SV2C: variants seen among roughly 807,000 people sequenced by gnomAD.
SV2C encodes solute carrier family 22 member B3.
SV2C carries 49 observed loss-of-function variants against 79.7 expected under a neutral mutation model. The ratio of observed to expected loss-of-function variants is 0.61; its 90% confidence interval spans 0.49 to 0.78. The LOEUF is 0.78. SV2C is among the 30% of genes least tolerant of loss of function. The pLI, the probability that SV2C is intolerant of heterozygous loss-of-function variation, is 0.00. For missense variants in SV2C, 833 were observed against 912.9 expected, an observed-to-expected ratio of 0.91 and a Z score of 1.13; for synonymous variants, 334 against 333.2, an observed-to-expected ratio of 1.00 and a Z score of -0.03.
At chr5:75,975,375 T>C in the SV2C span, among the ~76,000 whole-genome samples, 1 of 152,210 alleles carries the variant, frequency 6.6e-6, no homozygotes, top group Admixed American at 6.5e-5. Flanking sequence ...ATTAATCACC[T>C]GAACTTGGAT....
chr5:75,955,476 T>A, the SV2C span, among the ~76,000 whole-genome samples: 1 of 150,690 alleles, frequency 6.6e-6, no homozygotes, highest in Admixed American at 6.6e-5. Flanking sequence ...ATTCAGGACA[T>A]AGGCATGGGC....
chr5:75,897,434 T>A, the SV2C span, among the ~76,000 whole-genome samples: 1 of 151,626 alleles, frequency 6.6e-6, no homozygotes, highest in South Asian at 2.1e-4. Flanking sequence ...TATATCTCTG[T>A]TTTAGTACCA....
At chr5:75,920,699 A>G in the SV2C span, 4 of 744,552 alleles carry the variant, frequency 5.4e-6, no homozygotes, top group Non-Finnish European at 1.0e-5. Flanking sequence ...TGTTGAGGGC[A>G]CTGCCGGTGT....
chr5:76,118,769 G>A (rs1580279704), intron 1 of SV2C, among the ~76,000 whole-genome samples: 1 of 152,142 alleles, frequency 6.6e-6, no homozygotes, highest in Admixed American at 6.5e-5. Flanking sequence ...ATCACTTGAG[G>A]ACAGGAGTTC....
At chr5:76,203,926 A>G (rs956956283) in intron 3 of SV2C, among the ~76,000 whole-genome samples, 1 of 152,246 alleles carries the variant, frequency 6.6e-6, no homozygotes, top group African/African-American at 2.4e-5. Context: ...ATGATGAGTT[A>G]GGTTACCAGT....
chr5:76,280,439 T>C lies in SV2C; in HGVS notation c.914-4723T>C, dbSNP rs550511404. The stretch of plus-strand genomic sequence containing the variant: ...CAGTTAGCTCTCTTCTGGGTTTTGA[T>C]TGTGGTCCAATTCCTTGGGAGGCTG... On this transcript the variant is annotated intron_variant, in intron 4 of 12. Coordinates refer to ENST00000502798, the MANE Select transcript of SV2C (RefSeq NM_014979.4). 3.9e-5 allele frequency among the ~76,000 whole-genome samples: 6 copies of C among 152,268 alleles called. No individual in the cohort carries two copies. In the East Asian group the frequency reaches 1.2e-3, roughly 29 times the overall value.
the SV2C span, among the ~76,000 whole-genome samples, chr5:75,960,365 A>G: frequency 6.6e-6 from 1 of 152,092 alleles, no homozygotes; most frequent in East Asian, 1.9e-4. Flanking sequence ...TCACTTATAC[A>G]GTGGTGGTCT....
chr5:76,202,297 T>A (rs1744474988), intron 3 of SV2C, among the ~76,000 whole-genome samples: 1 of 152,214 alleles, frequency 6.6e-6, no homozygotes, highest in Non-Finnish European at 1.5e-5. Context: ...AAATATTGAC[T>A]CTCATCAGTG....
At chr5:76,012,595 A>C in the SV2C span, among the ~76,000 whole-genome samples, 1 of 152,200 alleles carries the variant, frequency 6.6e-6, no homozygotes, top group South Asian at 2.1e-4. Context: ...GCTGTGCAGA[A>C]GCTCTTTAGT....
the SV2C span, among the ~76,000 whole-genome samples, chr5:76,002,686 T>C: frequency 6.6e-6 from 1 of 152,180 alleles, no homozygotes; most frequent in Admixed American, 6.5e-5. Flanking sequence ...TCTGACTCTC[T>C]GGCCAAGCAT....
the SV2C span, among the ~76,000 whole-genome samples, chr5:75,980,155 A>T: frequency 6.6e-6 from 1 of 152,166 alleles, no homozygotes; most frequent in Non-Finnish European, 1.5e-5. Flanking sequence ...CATCCTGCCA[A>T]AACTGAACCA....
chr5:76,294,295 T>TCG, intron 8 of SV2C, among the ~76,000 whole-genome samples: 1 of 130,920 alleles, frequency 7.6e-6, no homozygotes. Flanking sequence ...TTTCATTCAT[T>TCG]CTCTCTCTCT....
the SV2C span, among the ~76,000 whole-genome samples, chr5:75,950,601 A>G: frequency 1.3e-5 from 2 of 152,006 alleles, no homozygotes; most frequent in Non-Finnish European, 2.9e-5. Flanking sequence ...CTTTTTATAG[A>G]CATATTGCTT....
the SV2C span, among the ~76,000 whole-genome samples, chr5:76,010,345 C>G: frequency 6.6e-6 from 1 of 152,010 alleles, no homozygotes; most frequent in Admixed American, 6.6e-5. Flanking sequence ...AGGGAAAAGA[C>G]GGTTGAATTA....
At chr5:76,155,349 CT>C (rs1472461149) in intron 2 of SV2C, among the ~76,000 whole-genome samples, 1 of 152,174 alleles carries the variant, frequency 6.6e-6, no homozygotes, top group Non-Finnish European at 1.5e-5. Context: ...AAGGTGAGAG[CT>C]GTAGTATTTG....
At chr5:76,235,330 A>AT (rs1209903450) in intron 4 of SV2C, among the ~76,000 whole-genome samples, 1 of 151,982 alleles carries the variant, frequency 6.6e-6, no homozygotes, top group Non-Finnish European at 1.5e-5. Flanking sequence ...GCCCCGTTAG[A>AT]TTTTCTTTCT....
intron 2 of SV2C, among the ~76,000 whole-genome samples, chr5:76,163,793 A>G (rs1248538787): frequency 1.3e-5 from 2 of 152,210 alleles, no homozygotes; most frequent in African/African-American, 4.8e-5. Context: ...GCACCCTTGA[A>G]CCTGATACTT....
At chr5:76,244,229 T>C (rs888070215) in intron 4 of SV2C, among the ~76,000 whole-genome samples, 24 of 152,332 alleles carry the variant, frequency 1.6e-4, no homozygotes, top group African/African-American at 5.8e-4. Flanking sequence ...CAGAATGAGA[T>C]GTCAAATGAA....
chr5:75,938,004 A>G, the SV2C span, among the ~76,000 whole-genome samples: 8 of 152,170 alleles, frequency 5.3e-5, no homozygotes, highest in Non-Finnish European at 1.2e-4. Flanking sequence ...CAAGGAGGCA[A>G]CACAAGTATA....
Sources: allele counts gnomAD v4.1 joint callset (sites outside exome capture counted in the v4.1 genomes callset), GRCh38; gene constraint gnomAD v4.1.1; transcripts MANE v1.5; gene names NCBI Gene and HGNC (gene_info 2026-07-23, HGNC 2026-07-21).